Variants in TEX15 observed in about 807,000 individuals in gnomAD.
TEX15 encodes testis-expressed protein 15.
A neutral mutation model predicts 237.3 loss-of-function variants in TEX15; 171 were observed. The ratio of observed to expected loss-of-function variants is 0.72; its 90% CI spans 0.64 to 0.82. The LOEUF (loss-of-function observed/expected upper bound fraction) is 0.82, where lower values mean the gene tolerates loss of function less well. TEX15 is among the 40% of genes least tolerant of loss of function. TEX15 has a pLI of 0.00. For synonymous variants in TEX15, 1,338 were observed against 1,269.8 expected (o/e 1.05, Z -1.14); for missense variants, 3,750 against 3,646.5 (o/e 1.03, Z -0.73).
At chr8:30,906,087 T>C (rs1563280650) in intron 1 of TEX15, among the ~76,000 whole-genome samples, 1 of 152,234 alleles carries the variant, frequency 6.6e-6, no homozygotes, top group Non-Finnish European at 1.5e-5. Context: ...TATTGATTAC[T>C]ACAACACACA....
At chr8:30,901,850 T>C (rs1487989458) in intron 1 of TEX15, among the ~76,000 whole-genome samples, 1 of 152,222 alleles carries the variant, frequency 6.6e-6, no homozygotes, top group Non-Finnish European at 1.5e-5. Context: ...AAAAAACTAC[T>C]ACTTAACAAA....
At position 30,845,241 on chromosome 8, in the gene TEX15, G is replaced by A; in HGVS notation, c.4926C>T (p.His1642=). The A allele has an allele frequency of 1.2e-6, 2 of 1,613,508 alleles. No individual in the cohort carries two copies. The highest frequency in any genetic ancestry group is 1.3e-5 in the African/African-American group (1 of 75,024). The change falls in exon 8 of 11, where the codon CAC becomes CAT. Residue 1642 remains histidine, a synonymous_variant. Transcript: ENST00000643185. ...TAAGTACGTCAGTTTTCGCCTTTGT[G>A]TGACCTATGCAAGTTGCATCACAAT... ...GNDCDATCIG[H]TKAKTDVLIS...
In TEX15 at chr8:30,844,407, G is replaced by C. The variant is rs1444250567; in HGVS notation, c.5760C>G (p.Asn1920Lys). ...TAATTTCCCCCTTCTTCTCTCTTTT[G>C]TTAAGCGGATTAGAAACTGTGTTCT... ...PLKNTVSNPLNKREKKGEIKV... is the reference protein window; with the variant it reads ...PLKNTVSNPLKKREKKGEIKV... The change falls in exon 8 of 11, where the codon AAC (asparagine) becomes AAG (lysine). Residue 1920 changes from asparagine to lysine, a missense_variant. Transcript: ENST00000643185. The C allele has an allele frequency of 3.1e-6, 5 of 1,610,876 alleles. No homozygotes were observed. The highest frequency in any genetic ancestry group is 4.2e-6 in the Non-Finnish European group (5 of 1,178,846).
At position 30,849,052 on chromosome 8, in the gene TEX15, G is replaced by A; in HGVS notation, c.1115C>T (p.Ser372Phe). ...GTCTGAATCATGTGCAAGTACTTGA[G>A]AAGTGTCTCTAATTTCTGCTAAACT... ...EHSLAEIRDTSQVLAHDSDIS... is the reference protein window; with the variant it reads ...EHSLAEIRDTFQVLAHDSDIS... The change falls in exon 8 of 11, where the codon TCT becomes TTT. Residue 372 changes from serine to phenylalanine, a missense_variant. Coordinates refer to ENST00000643185, the MANE Select transcript of TEX15 (RefSeq NM_001350162.2). 6.2e-7 allele frequency: 1 copy of A among 1,614,070 alleles called. No homozygotes were observed. Among genetic ancestry groups the A allele is most frequent in the Non-Finnish European group, 8.5e-7 (1 of 1,179,998 alleles).
In TEX15 at chr8:30,845,281, G is replaced by C; in HGVS notation, c.4886C>G (p.Ser1629Cys). The change falls in exon 8 of 11, where the codon TCT becomes TGT. Residue 1629 changes from serine (S) to cysteine (C), a missense_variant. Transcript: ENST00000643185. ...TGCATCACAATCGTTGCCTGTACTA[G>C]AATTTATGTTTTCTTTTATGCAACT... ...SLSCIKENIN[S>C]STGNDCDATC... 6.2e-7 allele frequency: 1 copy of C among 1,613,146 alleles called. No individual in the cohort carries two copies. Among genetic ancestry groups the C allele is most frequent in the Non-Finnish European group, 8.5e-7 (1 of 1,179,472 alleles).
At chr8:30,887,054 G>T (rs1158281927) in intron 3 of TEX15, 113 bp downstream of exon 3, 2 of 918,388 alleles carry the variant, frequency 2.2e-6, no homozygotes, top group African/African-American at 1.7e-5. Flanking sequence ...AGGAATTAGA[G>T]ACCTGAATTA....
intron 8 of TEX15, 31 bp downstream of exon 8, chr8:30,841,973 T>C: frequency 3.5e-6 from 5 of 1,448,636 alleles, no homozygotes; most frequent in Non-Finnish European, 3.7e-6. Context: ...AAAAGAATAC[T>C]TATAAAAGTT....
intron 2 of TEX15, among the ~76,000 whole-genome samples, chr8:30,888,954 G>C (rs1470619135): frequency 1.3e-5 from 2 of 152,194 alleles, no homozygotes; most frequent in African/African-American, 4.8e-5. Context: ...ATACTCCTAA[G>C]ATGCACCAGC....
intron 3 of TEX15, 83 bp downstream of exon 3, chr8:30,887,084 C>A: frequency 1.6e-6 from 2 of 1,267,832 alleles, no homozygotes; most frequent in Admixed American, 2.9e-5. Context: ...TATATAGAGT[C>A]AAAATAAAAG....
At chr8:30,858,355 T>C (rs1453105051) in intron 7 of TEX15, among the ~76,000 whole-genome samples, 1 of 151,740 alleles carries the variant, frequency 6.6e-6, no homozygotes, top group Non-Finnish European at 1.5e-5. Flanking sequence ...CTCTGTCACC[T>C]AGGCTGGGCG....
intron 1 of TEX15, among the ~76,000 whole-genome samples, chr8:30,900,642 A>T (rs1294107001): frequency 6.6e-6 from 1 of 152,252 alleles, no homozygotes; most frequent in East Asian, 1.9e-4. Flanking sequence ...TAATTTGATC[A>T]TGAAAGTTCT....
At position 30,843,091 on chromosome 8, in the gene TEX15, A is replaced by T. The variant is rs1585281643; in HGVS notation, c.7076T>A (p.Phe2359Tyr). Residue 2359 changes from phenylalanine to tyrosine, a missense_variant, in exon 8 of 11, where the codon TTT becomes TAT. Phe to Tyr is a conservative substitution (Grantham distance 22). Coordinates refer to ENST00000643185, the MANE Select transcript of TEX15 (RefSeq NM_001350162.2). The stretch of plus-strand genomic sequence containing the variant: ...TGGGTGTGCAAGCAAATTACTGTTA[A>T]ATTTAGAATTTTCTATGCTAATTGT... ...EATISIENSK[F>Y]NSNLLAHPDI... 1 of 1,613,268 alleles carries T rather than the reference A, an allele frequency of 6.2e-7. No homozygotes were observed.
rs188834825 is a variant in TEX15, at chr8:30,865,132, G to A, written c.540+2133C>T. ...AATAAATAAAATCAGAAACTAAAAGGAAACATTATAACTGAAACCACAGAA... is the reference window on the plus strand; with the variant it reads ...AATAAATAAAATCAGAAACTAAAAGAAAACATTATAACTGAAACCACAGAA... On this transcript the variant is annotated intron_variant, in intron 5 of 10. Transcript: ENST00000643185. 1.1e-4 allele frequency among the ~76,000 whole-genome samples: 17 copies of A among 151,938 alleles called. No individual in the cohort carries two copies. The East Asian group carries it at 2.1e-3, about 19-fold the overall frequency.
chr8:30,889,377 G>A (rs748106769), intron 2 of TEX15, among the ~76,000 whole-genome samples: 1 of 152,086 alleles, frequency 6.6e-6, no homozygotes, highest in African/African-American at 2.4e-5. Flanking sequence ...ACTTGAACCC[G>A]GGAGGTGGAG....
At chr8:30,873,992 A>C (rs1808350131) in intron 4 of TEX15, among the ~76,000 whole-genome samples, 1 of 152,196 alleles carries the variant, frequency 6.6e-6, no homozygotes, top group Admixed American at 6.6e-5. Flanking sequence ...TTAATGTCCA[A>C]AATAAGCAAA....
chr8:30,881,910 A>G (rs1808535410), intron 3 of TEX15, among the ~76,000 whole-genome samples: 1 of 152,124 alleles, frequency 6.6e-6, no homozygotes. Context: ...GGCGTGAGCC[A>G]CCGCACCCAG....
intron 7 of TEX15, among the ~76,000 whole-genome samples, chr8:30,850,691 T>TA (rs1458944279): frequency 3.4e-4 from 52 of 152,088 alleles, no homozygotes; most frequent in African/African-American, 1.2e-3. Context: ...ATTTGCTATT[T>TA]AAAAAACTCC....
chr8:30,862,161 T>A (rs936379507), intron 5 of TEX15, among the ~76,000 whole-genome samples: 1 of 152,110 alleles, frequency 6.6e-6, no homozygotes, highest in Non-Finnish European at 1.5e-5. Flanking sequence ...CACCTAGGAA[T>A]AAACCAATTA....
chr8:30,862,266 C>T (rs886350445), intron 5 of TEX15, among the ~76,000 whole-genome samples: 56 of 151,972 alleles, frequency 3.7e-4, no homozygotes, highest in African/African-American at 1.3e-3. Flanking sequence ...AACTAAAAAC[C>T]AAATAACTTA....
Sources: allele counts gnomAD v4.1 joint callset (sites outside exome capture counted in the v4.1 genomes callset), GRCh38; gene constraint gnomAD v4.1.1; transcripts MANE v1.5; gene names NCBI Gene and HGNC (gene_info 2026-07-23, HGNC 2026-07-21).